The following ECI2 variants were observed in gnomAD, a reference collection of about 807,000 sequenced individuals.
ECI2 encodes enoyl-CoA delta isomerase 2.
Under a neutral mutation model 38.4 loss-of-function variants are expected in ECI2, and 27 were observed. That is an observed-to-expected ratio of 0.70 (90% CI 0.52 to 0.97). ECI2 has a LOEUF of 0.97. ECI2 is among the 50% of genes least tolerant of loss of function. ECI2 has a pLI of 0.00. For synonymous variants in ECI2, 168 were observed against 172.0 expected (o/e 0.98, Z 0.18); for missense variants, 470 against 474.4 (o/e 0.99, Z 0.09).
intron 2 of ECI2, among the ~76,000 whole-genome samples, chr6:4,131,111 G>A (rs1010407931): frequency 2.8e-5 from 4 of 142,608 alleles, no homozygotes; most frequent in African/African-American, 1.2e-4. Context: ...AAAGGTTTTG[G>A]GGAAGTATTT....
intron 4 of ECI2, among the ~76,000 whole-genome samples, chr6:4,129,100 C>CCCTCCCTT (rs1392932476): frequency 2.0e-5 from 3 of 148,588 alleles, no homozygotes; most frequent in Non-Finnish European, 4.5e-5. Context: ...CTCCCTCCCT[C>CCCTCCCTT]CCTCCCTTCC....
intron 7 of ECI2, chr6:4,121,813 C>G (rs1403244341): frequency 1.4e-5 from 5 of 364,410 alleles, no homozygotes; most frequent in East Asian, 4.1e-5. Flanking sequence ...TTCCTATAAT[C>G]AGACACGCTG....
rs755677597 is a variant in ECI2 at position 4,135,567 on chromosome 6, G to T, written c.-7C>A. ...CCAAGTACGCCATCGCCATCCCTTG[G>T]GCGGCTCTAGGGCTGCGGGGGCTCG... On this transcript the variant is annotated 5_prime_UTR_variant, in exon 1 of 10. Coordinates refer to ENST00000380118, the MANE Select transcript of ECI2 (RefSeq NM_206836.3). 2.5e-6 allele frequency: 4 copies of T among 1,607,470 alleles called. No homozygotes were observed. Among genetic ancestry groups the T allele is most frequent in the Non-Finnish European group, 3.4e-6 (4 of 1,178,418 alleles).
intron 7 of ECI2, chr6:4,122,002 G>GGAAACTGAGAAACCTGCC (rs1156624096): frequency 1.2e-6 from 2 of 1,607,776 alleles, no homozygotes; most frequent in Admixed American, 1.7e-5. Flanking sequence ...AATACAAGCA[G>GGAAACTGAGAAACCTGCC]GAAACTGAGA....
chr6:4,123,706 C>A (rs540713972), intron 7 of ECI2, among the ~76,000 whole-genome samples: 1 of 152,122 alleles, frequency 6.6e-6, no homozygotes, highest in Non-Finnish European at 1.5e-5. Flanking sequence ...GTGGCTCACA[C>A]CTGTACTCCC....
chr6:4,131,031 C>A, intron 2 of ECI2, 166 bp from the exon 3 acceptor site: 2 of 517,936 alleles, frequency 3.9e-6, no homozygotes, highest in Non-Finnish European at 6.7e-6. Context: ...ATGTTGTTGC[C>A]AAAAATGCAC....
intron 7 of ECI2, among the ~76,000 whole-genome samples, chr6:4,119,781 C>T (rs982760975): frequency 1.3e-5 from 2 of 152,136 alleles, no homozygotes; most frequent in Non-Finnish European, 2.9e-5. Flanking sequence ...ACATAGCCAC[C>T]ACCACTACTG....
At chr6:4,119,795 T>C (rs902782443) in intron 7 of ECI2, among the ~76,000 whole-genome samples, 1 of 152,164 alleles carries the variant, frequency 6.6e-6, no homozygotes, top group African/African-American at 2.4e-5. Context: ...ACTACTGACA[T>C]GCGGAACATT....
At chr6:4,121,388 G>C (rs79008284) in intron 7 of ECI2, among the ~76,000 whole-genome samples, 2,233 of 151,336 alleles carry the variant, frequency 0.015, 59 homozygotes, top group African/African-American at 0.051. Context: ...CTTTTCTCCT[G>C]GTCTATGGCT....
At chr6:4,117,194 G>A in intron 9 of ECI2, 114 bp downstream of exon 9, 4 of 1,298,066 alleles carry the variant, frequency 3.1e-6, no homozygotes, top group Non-Finnish European at 4.2e-6. Flanking sequence ...GATGTGCTTA[G>A]AGGTAACTAA....
At chr6:4,127,592 T>G (rs1400732590) in intron 5 of ECI2, among the ~76,000 whole-genome samples, 170 bp downstream of exon 5, 1 of 151,912 alleles carries the variant, frequency 6.6e-6, no homozygotes. Context: ...TTTTTATATT[T>G]TTAGCAGAGA....
chr6:4,121,360 T>G (rs1772735823), intron 7 of ECI2, among the ~76,000 whole-genome samples: 1 of 152,234 alleles, frequency 6.6e-6, no homozygotes, highest in Non-Finnish European at 1.5e-5. Context: ...AAGTCTTTTA[T>G]TAGAGCGTCA....
chr6:4,119,188 T>C lies in ECI2; in HGVS notation c.883A>G (p.Lys295Glu). The C allele has an allele frequency of 6.2e-7, 1 of 1,611,856 alleles. No homozygotes were observed. The highest frequency in any genetic ancestry group is 8.5e-7 in the Non-Finnish European group (1 of 1,179,096). ...YTFPKIMSPA[K>E]ATEMLIFGKK... The stretch of plus-strand genomic sequence containing the variant: ...TATTTAAACATTCCAAAAGTTACCT[T>C]GGCTGGGCTCATTATCTTCGGAAAA... Residue 295 changes from lysine to glutamate, a missense_variant and splice_region_variant, in exon 8 of 10, where the codon AAG becomes GAG. By Grantham distance (56) the Lys-to-Glu change is moderately conservative (BLOSUM62 1). Coordinates refer to ENST00000380118, the MANE Select transcript of ECI2 (RefSeq NM_206836.3).
rs1240579732 is a variant in ECI2, at chr6:4,119,517, C to T, written c.796-242G>A. On this transcript the variant is annotated intron_variant, in intron 7 of 9. Transcript: ENST00000380118. ...TGTATTTTTCGTAGAGACGGGGTTTCGCCCTGTTGGCCAGGTTGGTTTCAA... is the reference window on the plus strand; with the variant it reads ...TGTATTTTTCGTAGAGACGGGGTTTTGCCCTGTTGGCCAGGTTGGTTTCAA... Among the ~76,000 whole-genome samples the T allele has an allele frequency of 2.0e-5, 3 of 152,140 alleles. No homozygotes were observed. The South Asian group carries it at 6.2e-4, about 32-fold the overall frequency.
rs1333940111 is a variant in ECI2, at chr6:4,115,715, A to C, written c.*159T>G. ...GTGTGAATTCTTAAGCTTGTTTTAC[A>C]AAACTTTTTATTCATCAGAGCTGTA... On this transcript the variant is annotated 3_prime_UTR_variant, in exon 10 of 10. Transcript: ENST00000380118. 1.9e-5 allele frequency: 24 copies of C among 1,242,630 alleles called. No homozygotes were observed. The East Asian group carries it at 5.8e-4, about 30-fold the overall frequency. 77.0% of individuals were successfully genotyped at this position (1,242,630 alleles called of 1,614,324 possible).
chr6:4,122,191 C>A, intron 7 of ECI2: 1 of 420,600 alleles, frequency 2.4e-6, no homozygotes, highest in Non-Finnish European at 4.3e-6. Flanking sequence ...CCACAGTTTT[C>A]TCATTTGTAA....
At chr6:4,122,296 C>A (rs1463552601) in intron 7 of ECI2, among the ~76,000 whole-genome samples, 1 of 151,680 alleles carries the variant, frequency 6.6e-6, no homozygotes, top group Non-Finnish European at 1.5e-5. Flanking sequence ...TCTCAACTCG[C>A]TGCAACCTCC....
intron 1 of ECI2, chr6:4,135,258 G>T: frequency 4.4e-6 from 5 of 1,128,992 alleles, no homozygotes; most frequent in Non-Finnish European, 6.3e-6. Flanking sequence ...CGGAGACCTT[G>T]GGGACTGCTG....
At chr6:4,122,216 C>T (rs1772840735) in intron 7 of ECI2, among the ~76,000 whole-genome samples, 2 of 146,726 alleles carry the variant, frequency 1.4e-5, no homozygotes, top group African/African-American at 2.5e-5. Flanking sequence ...GGAACCAATC[C>T]TTCTTTGCTT....
Sources: allele counts gnomAD v4.1 joint callset (sites outside exome capture counted in the v4.1 genomes callset), GRCh38; gene constraint gnomAD v4.1.1; transcripts MANE v1.5; gene names NCBI Gene and HGNC (gene_info 2026-07-23, HGNC 2026-07-21).